Variants in WDR86 observed in about 807,000 individuals in gnomAD.
WDR86 encodes WD repeat-containing protein 86.
WDR86 carries 30 observed loss-of-function variants against 36.5 expected under a neutral mutation model. The observed-to-expected ratio is 0.82, with a 90% CI of 0.61 to 1.11. The LOEUF is 1.11. WDR86 is among the 50% of genes most tolerant of loss of function. The pLI, the probability that WDR86 is intolerant of heterozygous loss-of-function variation, is 0.00. For synonymous variants in WDR86, 255 were observed against 252.9 expected (o/e 1.01, Z -0.08); for missense variants, 545 against 561.2 (o/e 0.97, Z 0.29).
chr7:151,409,505 G>C lies in WDR86; in HGVS notation c.85C>G (p.Arg29Gly). Residue 29 changes from arginine (R) to glycine (G), a missense_variant, in exon 1 of 6, where the codon CGC becomes GGC. Physicochemically the swap from Arg to Gly is moderately radical, Grantham distance 125. Coordinates refer to ENST00000334493, the MANE Select transcript of WDR86 (RefSeq NM_198285.3). The surrounding 1 kb of genome is among the most constrained non-coding windows in gnomAD (Gnocchi z 5.2). ...NWLSLSPDGQ[R>G]LLTGSEDGTA... is the part of the protein sequence containing the mutation. ...CCGTCCTCGCTGCCCGTCAGCAGGC[G>C]CTGCCCGTCGGGGCTCAGGCTCAGC... 2 of 1,532,814 alleles carry C rather than the reference G, an allele frequency of 1.3e-6. No homozygotes were observed. Among genetic ancestry groups the C allele is most frequent in the Non-Finnish European group, 1.7e-6 (2 of 1,145,652 alleles). The allele number at this position is 1,532,814 out of a possible 1,614,324, so 95.0% of individuals were successfully genotyped here. A position where few individuals can be genotyped will look rare whatever the true frequency, so the allele number is the denominator to read the frequency against.
intron 3 of WDR86, among the ~76,000 whole-genome samples, chr7:151,394,126 A>G (rs935516838): frequency 3.7e-4 from 57 of 152,120 alleles, no homozygotes; most frequent in African/African-American, 1.3e-3. Flanking sequence ...CTTCCCCACG[A>G]CGAGCTGCTC....
rs1798607912 is a variant in WDR86 at position 151,381,862 on chromosome 7, G to A, written c.966+16C>T. 6.2e-7 allele frequency: 1 copy of A among 1,600,358 alleles called. No homozygotes were observed. The highest frequency in any genetic ancestry group is 1.7e-5 in the Admixed American group (1 of 58,292). On this transcript the variant is annotated intron_variant, in intron 5 of 5. Transcript: ENST00000334493. This position sits in a 1 kb window ranked among gnomAD's most constrained non-coding sequence, Gnocchi z 4.8. ...CTCCCACGGGCGGCGGCCCCGAGAAGGGCAGAGGGACCTACCTGGATGCAG... is the reference window on the plus strand; with the variant it reads ...CTCCCACGGGCGGCGGCCCCGAGAAAGGCAGAGGGACCTACCTGGATGCAG...
At position 151,409,440 on chromosome 7, in the gene WDR86, G is replaced by A. The variant is rs765614293; in HGVS notation, c.150C>T (p.Cys50=). The A allele has an allele frequency of 6.5e-7, 1 of 1,549,386 alleles. No individual in the cohort carries two copies. Among genetic ancestry groups the A allele is most frequent in the Non-Finnish European group, 8.7e-7 (1 of 1,152,426 alleles). The part of the protein sequence containing the change: ...RLWSTADGQC[C]ALLQGHESYV... ...GGGAGGGTCTACCTTGCAGGAGCGCGCAGCACTGGCCGTCCGCGGTGCTCC... is the reference window on the plus strand; with the variant it reads ...GGGAGGGTCTACCTTGCAGGAGCGCACAGCACTGGCCGTCCGCGGTGCTCC... Residue 50 remains cysteine, a synonymous_variant, in exon 1 of 6, where the codon TGC becomes TGT. Transcript: ENST00000334493. This position sits in a 1 kb window ranked among gnomAD's most constrained non-coding sequence, Gnocchi z 5.2.
In WDR86 at chr7:151,390,867, C is replaced by T. The variant is rs887255016; in HGVS notation, c.726+4909G>A. Among the ~76,000 whole-genome samples the T allele has an allele frequency of 1.3e-5, 2 of 152,190 alleles. No homozygotes were observed. Among genetic ancestry groups the T allele is most frequent in the African/African-American group, 4.8e-5 (2 of 41,456 alleles). On this transcript the variant is annotated intron_variant, in intron 3 of 5. Coordinates refer to ENST00000334493, the MANE Select transcript of WDR86 (RefSeq NM_198285.3). This position sits in a 1 kb window ranked among gnomAD's most constrained non-coding sequence, Gnocchi z 4.5. The stretch of plus-strand genomic sequence containing the variant: ...AATTCAGAGACACAAAGCAGAAGGG[C>T]GGGTGCCCGGGGCATGGAAGAGCAG...
At chr7:151,378,921 C>T (rs1055300779), downstream of WDR86, among the ~76,000 whole-genome samples, 3 of 152,206 alleles carry the variant, frequency 2.0e-5, no homozygotes, top group East Asian at 1.9e-4. Context: ...CAGAGGAAGC[C>T]GGCTGTGGAG....
chr7:151,376,625 C>A (rs761563968), downstream of WDR86: 1 of 1,601,268 alleles, frequency 6.2e-7, no homozygotes, highest in South Asian at 1.1e-5. Context: ...CCCCTGCGCT[C>A]TCCCCTAGTT....
chr7:151,410,124 T>G, upstream of WDR86: 6 of 948,850 alleles, frequency 6.3e-6, no homozygotes, highest in Non-Finnish European at 6.3e-6. Flanking sequence ...CCCGCGCGCC[T>G]GCAGCCTCCC....
At chr7:151,407,873 T>C (rs577327157) in intron 1 of WDR86, among the ~76,000 whole-genome samples, 1 of 152,214 alleles carries the variant, frequency 6.6e-6, no homozygotes, top group African/African-American at 2.4e-5. Flanking sequence ...ATGCCAGTTC[T>C]ACAGCCCTAT....
Position 151,409,436 on chromosome 7 carries a change from G to C in WDR86, c.154C>G (p.Leu52Val). 1 of 1,551,596 alleles carries C rather than the reference G, an allele frequency of 6.4e-7. No individual in the cohort carries two copies. Among genetic ancestry groups the C allele is most frequent in the Non-Finnish European group, 8.7e-7 (1 of 1,153,280 alleles). The change falls in exon 1 of 6, where the codon CTC becomes GTC. Residue 52 changes from leucine to valine, a missense_variant. Coordinates refer to ENST00000334493, the MANE Select transcript of WDR86 (RefSeq NM_198285.3). The surrounding 1 kb of genome is among the most constrained non-coding windows in gnomAD (Gnocchi z 5.2). The stretch of plus-strand genomic sequence containing the variant: ...GAGTGGGAGGGTCTACCTTGCAGGA[G>C]CGCGCAGCACTGGCCGTCCGCGGTG... ...WSTADGQCCA[L>V]LQGHESYVTF...
chr7:151,397,928 G>A (rs1323930516), intron 2 of WDR86, among the ~76,000 whole-genome samples: 1 of 152,086 alleles, frequency 6.6e-6, no homozygotes, highest in Non-Finnish European at 1.5e-5. Context: ...GGGATGCCAG[G>A]CCACTGAACG....
chr7:151,371,544 G>A (rs949503659), downstream of WDR86, among the ~76,000 whole-genome samples: 1 of 152,136 alleles, frequency 6.6e-6, no homozygotes. Flanking sequence ...TGCCACCTTA[G>A]CCCATTCAGG....
chr7:151,385,984 G>T (rs1563046965), intron 3 of WDR86, among the ~76,000 whole-genome samples: 1 of 152,206 alleles, frequency 6.6e-6, no homozygotes, highest in African/African-American at 2.4e-5. Context: ...GGACGAGAAG[G>T]CCAGGGCGGG....
At position 151,406,172 on chromosome 7, in the gene WDR86, C is replaced by G. The variant is rs2150872271; in HGVS notation, c.163+3255G>C. Reference sequence around the variant, plus strand: ...GTGTATGAACAAGTGAATGCACCCACAGGGAGGGGCTCCCCACACGCCGGT... The same window carrying G: ...GTGTATGAACAAGTGAATGCACCCAGAGGGAGGGGCTCCCCACACGCCGGT... On this transcript the variant is annotated intron_variant, in intron 1 of 5. Coordinates refer to ENST00000334493, the MANE Select transcript of WDR86 (RefSeq NM_198285.3). This position sits in a 1 kb window ranked among gnomAD's most constrained non-coding sequence, Gnocchi z 4.4. Among the ~76,000 whole-genome samples, 1 of 152,274 alleles carries G rather than the reference C, an allele frequency of 6.6e-6. No individual in the cohort carries two copies. The highest frequency in any genetic ancestry group is 2.4e-5 in the African/African-American group (1 of 41,554).
At position 151,381,404 on chromosome 7, in the gene WDR86, C is replaced by T. The variant is rs1231588135; in HGVS notation, c.*178G>A. ...GTCCCCAGGGCGAGCACTCCCGCTC[C>T]CAGCGCCTCCTGGCCACCAAAGAAA... On this transcript the variant is annotated 3_prime_UTR_variant, in exon 6 of 6. Coordinates refer to ENST00000334493, the MANE Select transcript of WDR86 (RefSeq NM_198285.3). The surrounding 1 kb of genome is among the most constrained non-coding windows in gnomAD (Gnocchi z 4.8). 2 of 1,478,230 alleles carry T rather than the reference C, an allele frequency of 1.4e-6. No homozygotes were observed. Among genetic ancestry groups the T allele is most frequent in the Admixed American group, 2.4e-5 (1 of 41,104 alleles). The allele number at this position is 1,478,230 out of a possible 1,614,324, so 91.6% of individuals were successfully genotyped here. A position where few individuals can be genotyped will look rare whatever the true frequency, so the allele number is the denominator to read the frequency against.
intron 3 of WDR86, 35 bp downstream of exon 3, chr7:151,395,741 C>T: frequency 6.6e-7 from 1 of 1,519,832 alleles, no homozygotes; most frequent in Non-Finnish European, 8.9e-7. Context: ...ACCTGGGCTC[C>T]CCTGGCTGCT....
chr7:151,409,456 G>A lies in WDR86; in HGVS notation c.134C>T (p.Ala45Val). Residue 45 changes from alanine to valine, a missense_variant, in exon 1 of 6, where the codon GCG becomes GTG. Coordinates refer to ENST00000334493, the MANE Select transcript of WDR86 (RefSeq NM_198285.3). The surrounding 1 kb of genome is among the most constrained non-coding windows in gnomAD (Gnocchi z 5.2). ...CAGGAGCGCGCAGCACTGGCCGTCC[G>A]CGGTGCTCCAGAGCCGGGCCGTGCC... is the stretch of plus-strand genomic sequence containing the variant. ...EDGTARLWSTADGQCCALLQG... is the reference protein window; with the variant it reads ...EDGTARLWSTVDGQCCALLQG... 1 of 1,543,186 alleles carries A rather than the reference G, an allele frequency of 6.5e-7. No homozygotes were observed. The highest frequency in any genetic ancestry group is 8.7e-7 in the Non-Finnish European group (1 of 1,149,798).
intron 3 of WDR86, among the ~76,000 whole-genome samples, chr7:151,393,870 G>T (rs1225433322): frequency 6.6e-6 from 1 of 152,184 alleles, no homozygotes; most frequent in Non-Finnish European, 1.5e-5. Flanking sequence ...AGGACACGGA[G>T]GGAGGGCCGG....
At chr7:151,374,427 C>T (rs1432333632), downstream of WDR86, 2 of 773,830 alleles carry the variant, frequency 2.6e-6, no homozygotes, top group East Asian at 2.7e-5. Context: ...CACGTGAGGC[C>T]CCATGCTCAG....
At chr7:151,395,646 T>A (rs2150809501) in intron 3 of WDR86, 130 bp downstream of exon 3, 1 of 1,157,768 alleles carries the variant, frequency 8.6e-7, no homozygotes, top group Non-Finnish European at 1.2e-6. Context: ...AAGGCCTCCG[T>A]GGCGCTTGCC....
Sources: allele counts gnomAD v4.1 joint callset (sites outside exome capture counted in the v4.1 genomes callset), GRCh38; gene constraint gnomAD v4.1.1; non-coding constraint Gnocchi (gnomAD v3.1); transcripts MANE v1.5; gene names NCBI Gene and HGNC (gene_info 2026-07-23, HGNC 2026-07-21).